Variants in NT5M observed in about 807,000 individuals in gnomAD.
NT5M encodes the protein 5'(3')-deoxyribonucleotidase, mitochondrial.
In NT5M, 22 loss-of-function variants were observed where a neutral mutation model predicts 22.2. The ratio of observed to expected loss-of-function variants is 0.99; its 90% CI spans 0.71 to 1.41. The LOEUF (loss-of-function observed/expected upper bound fraction) is 1.41. Ranked by LOEUF, NT5M falls within the 40% of genes most tolerant of loss-of-function variation. NT5M has a pLI of 0.00. For synonymous variants in NT5M, 167 were observed against 133.0 expected, an observed-to-expected ratio of 1.26 and a Z score of -1.76; for missense variants, 322 against 314.8, an observed-to-expected ratio of 1.02 and a Z score of -0.17.
chr17:17,323,315 T>C (rs112953813), intron 3 of NT5M, 70 bp downstream of exon 3: 500 of 1,328,360 alleles, frequency 3.8e-4, no homozygotes, highest in Middle Eastern at 3.4e-3. Context: ...GGGCTCAGCC[T>C]GCCTGTGGAA....
chr17:17,340,475 TATTC>T (rs2049614740), intron 3 of NT5M, among the ~76,000 whole-genome samples: 1 of 152,110 alleles, frequency 6.6e-6, no homozygotes, highest in African/African-American at 2.4e-5. Flanking sequence ...TTTTATTTCA[TATTC>T]ATTTATTTCT....
At chr17:17,326,397 C>T (rs559850997) in intron 3 of NT5M, among the ~76,000 whole-genome samples, 14 of 152,242 alleles carry the variant, frequency 9.2e-5, no homozygotes, top group East Asian at 1.9e-4. Flanking sequence ...ATTTGGAAAC[C>T]GCGCATATTT....
chr17:17,345,126 T>C lies in NT5M; in HGVS notation c.544+218T>C, dbSNP rs1166007625. The C allele has an allele frequency of 4.0e-6, 4 of 998,382 alleles. No individual in the cohort carries two copies. The East Asian group carries it at 1.1e-4, about 28-fold the overall frequency. 61.8% of individuals were successfully genotyped at this position (998,382 alleles called of 1,614,324 possible). On this transcript the variant is annotated intron_variant, in intron 4 of 4. Coordinates refer to ENST00000389022, the MANE Select transcript of NT5M (RefSeq NM_020201.4). ...GAGGAGTGGGTGCCAGCTCTAGGGT[T>C]AGCTTGAGGGGTGGCCTTGGGGAAG...
chr17:17,331,826 G>C (rs1308696119), intron 3 of NT5M, among the ~76,000 whole-genome samples: 1 of 150,020 alleles, frequency 6.7e-6, no homozygotes, highest in African/African-American at 2.5e-5. Context: ...TGTCACCTAA[G>C]CTGGAGTGCA....
At chr17:17,304,383 C>A in intron 1 of NT5M, 1 of 985,398 alleles carries the variant, frequency 1.0e-6, no homozygotes, top group Non-Finnish European at 1.2e-6. Flanking sequence ...TGCTGAACAC[C>A]TGAGCTCAAC....
At chr17:17,309,008 A>G (rs767813218) in intron 2 of NT5M, among the ~76,000 whole-genome samples, 5 of 152,154 alleles carry the variant, frequency 3.3e-5, no homozygotes, top group Admixed American at 6.5e-5. Flanking sequence ...GTATTGATCC[A>G]TTTATCAGTT....
At chr17:17,322,936 A>T (rs1233533906) in intron 2 of NT5M, among the ~76,000 whole-genome samples, 3 of 152,150 alleles carry the variant, frequency 2.0e-5, no homozygotes, top group Non-Finnish European at 2.9e-5. Flanking sequence ...GCATTGCAGG[A>T]GGCCCTCCAG....
intron 3 of NT5M, among the ~76,000 whole-genome samples, chr17:17,326,361 G>A (rs532435139): frequency 1.1e-3 from 175 of 152,342 alleles, no homozygotes; most frequent in African/African-American, 4.1e-3. Flanking sequence ...TGTTCCCCTG[G>A]AGGTAGCCTG....
intron 3 of NT5M, among the ~76,000 whole-genome samples, chr17:17,330,984 C>T (rs1326122877): frequency 2.6e-5 from 4 of 151,064 alleles, no homozygotes; most frequent in African/African-American, 9.9e-5. Flanking sequence ...CTCAGGCAAT[C>T]GCCTGCCTCA....
intron 2 of NT5M, among the ~76,000 whole-genome samples, chr17:17,322,229 G>A (rs16961561): frequency 0.011 from 1,601 of 152,188 alleles, 27 homozygotes; most frequent in African/African-American, 0.037. Context: ...GTGTGCTGTC[G>A]AGTGTGGGCA....
rs1186560728 is a variant in NT5M, at chr17:17,315,744, GTTTTTTTGTTT to G, written c.369-7433_369-7423del. The stretch of plus-strand genomic sequence containing the variant: ...AGAGATTGATGTGATCTAACTTAGG[GTTTTTTTGTTT>G]TTTTTTTTTTTTTTTTTTTGAGACA... On this transcript the variant is annotated intron_variant, in intron 2 of 4. Transcript: ENST00000389022. Among the ~76,000 whole-genome samples the G allele has an allele frequency of 1.6e-3, 110 of 67,754 alleles. 1 individual carries two copies. The highest frequency in any genetic ancestry group is 2.6e-3 in the Non-Finnish European group (98 of 37,274). The allele number at this position is 67,754 out of a possible 152,430, so 44.4% of individuals were successfully genotyped here.
In NT5M at chr17:17,306,658, C is replaced by T. The variant is rs764111090; in HGVS notation, c.368+15C>T. 5 of 1,575,212 alleles carry T rather than the reference C, an allele frequency of 3.2e-6. No homozygotes were observed. The highest frequency in any genetic ancestry group is 4.4e-6 in the Non-Finnish European group (5 of 1,144,618). On this transcript the variant is annotated intron_variant, in intron 2 of 4. Transcript: ENST00000389022. Reference sequence around the variant, plus strand: ...AGCCTACAAAAGTAAGTTTGTCCTCCCAGCCACTCAGTAAGTTTGTCTGAG... The same window carrying T: ...AGCCTACAAAAGTAAGTTTGTCCTCTCAGCCACTCAGTAAGTTTGTCTGAG...
At chr17:17,328,570 C>T (rs1389359859) in intron 3 of NT5M, among the ~76,000 whole-genome samples, 2 of 152,164 alleles carry the variant, frequency 1.3e-5, no homozygotes, top group Admixed American at 6.5e-5. Context: ...GGTCTCGGGG[C>T]ACATCTGCAC....
rs1199251703 is a variant in NT5M at position 17,327,704 on chromosome 17, G to T, written c.429+4459G>T. On this transcript the variant is annotated intron_variant, in intron 3 of 4. Transcript: ENST00000389022. ...AGCTAATTTTTGTATTTTTAGTAGA[G>T]ACGGGGTTTCGCTATGTTGGTCAGG... Among the ~76,000 whole-genome samples the T allele has an allele frequency of 3.8e-5, 4 of 104,884 alleles. 2 individuals carry two copies. Among genetic ancestry groups the T allele is most frequent in the Admixed American group, 2.0e-4 (2 of 10,032 alleles). The allele number at this position is 104,884 out of a possible 152,430, so 68.8% of individuals were successfully genotyped here.
intron 3 of NT5M, among the ~76,000 whole-genome samples, chr17:17,327,968 A>T (rs2049297553): frequency 6.6e-6 from 1 of 152,236 alleles, no homozygotes; most frequent in African/African-American, 2.4e-5. Context: ...CATGATTGTT[A>T]ATAGCTGAAG....
At chr17:17,320,763 C>T (rs74972776) in intron 2 of NT5M, among the ~76,000 whole-genome samples, 1,596 of 152,130 alleles carry the variant, frequency 0.01, 27 homozygotes, top group African/African-American at 0.037. Context: ...GAGGAGTAGA[C>T]GGGGAGTCTG....
intron 3 of NT5M, among the ~76,000 whole-genome samples, chr17:17,340,636 C>A (rs1449455876): frequency 6.6e-6 from 1 of 152,034 alleles, no homozygotes; most frequent in East Asian, 1.9e-4. Context: ...AAGCGATTCT[C>A]CTGCCTTAGC....
chr17:17,344,751 G>A (rs532341116), intron 3 of NT5M, 43 bp from the exon 4 acceptor site: 4 of 1,603,958 alleles, frequency 2.5e-6, no homozygotes, highest in Non-Finnish European at 3.4e-6. Flanking sequence ...CAGGTCTGAT[G>A]TCACTTTCTT....
chr17:17,312,345 C>T (rs1262433978), intron 2 of NT5M, among the ~76,000 whole-genome samples: 1 of 152,052 alleles, frequency 6.6e-6, no homozygotes, highest in Non-Finnish European at 1.5e-5. Flanking sequence ...CAGCTTTCTT[C>T]AAAAGTATTC....
Sources: allele counts gnomAD v4.1 joint callset (sites outside exome capture counted in the v4.1 genomes callset), GRCh38; gene constraint gnomAD v4.1.1; transcripts MANE v1.5; gene names NCBI Gene and HGNC (gene_info 2026-07-23, HGNC 2026-07-21).